Variants in CNTN1 observed in about 807,000 individuals in gnomAD.
The protein encoded by CNTN1 is contactin-1.
In CNTN1, 38 loss-of-function variants were observed where a neutral mutation model predicts 126.4. The ratio of observed to expected loss-of-function variants is 0.30; its 90% confidence interval spans 0.23 to 0.39. The LOEUF (loss-of-function observed/expected upper bound fraction) is 0.39. Ranked by LOEUF, CNTN1 falls within the 10% of genes least tolerant of loss-of-function variation. The pLI is 1.00. For missense variants in CNTN1, 1,009 were observed against 1,248.4 expected (o/e 0.81, Z 2.89); for synonymous variants, 413 against 422.6 (o/e 0.98, Z 0.28).
intron 16 of CNTN1, among the ~76,000 whole-genome samples, chr12:40,985,358 A>G (rs964702227): frequency 6.6e-6 from 1 of 152,030 alleles, no homozygotes; most frequent in Non-Finnish European, 1.5e-5. Context: ...TTTATCTGGT[A>G]TAATTTGCAT....
In CNTN1 at chr12:40,700,538, A is replaced by T. The variant is rs545777848; in HGVS notation, c.-77+7946A>T. Among the ~76,000 whole-genome samples the T allele has an allele frequency of 1.4e-3, 206 of 152,268 alleles. 4 individuals are homozygous for T. The highest frequency in any genetic ancestry group is 4.6e-3 in the African/African-American group (192 of 41,548). ...GAGACTCTGTCTCAAAATAAAAAAA[A>T]AAATAAAAAATAAACTGGATTTTCT... On this transcript the variant is annotated intron_variant, in intron 1 of 23. Coordinates refer to ENST00000551295, the MANE Select transcript of CNTN1 (RefSeq NM_001843.4).
At chr12:40,756,717 T>C (rs1938624501) in intron 1 of CNTN1, among the ~76,000 whole-genome samples, 1 of 152,154 alleles carries the variant, frequency 6.6e-6, no homozygotes, top group African/African-American at 2.4e-5. Context: ...TGTTCACATG[T>C]CACCTCCAAG....
chr12:41,021,432 G>T (rs1159419221), intron 20 of CNTN1, among the ~76,000 whole-genome samples: 2 of 152,202 alleles, frequency 1.3e-5, no homozygotes, highest in African/African-American at 4.8e-5. Flanking sequence ...TGAGGGCAGG[G>T]TATTGTTCTA....
rs972742579 is a variant in CNTN1, at chr12:40,929,993, A to G, written c.694A>G (p.Ile232Val). The change falls in exon 7 of 24, where the codon ATA (isoleucine) becomes GTA (valine). Residue 232 changes from isoleucine to valine, a missense_variant. Coordinates refer to ENST00000551295, the MANE Select transcript of CNTN1 (RefSeq NM_001843.4). ...CAGCAAATTCATCCCACTCATTCCA[A>G]TACCTGAACGTAAGTATTTTATTTG... is the stretch of plus-strand genomic sequence containing the variant. ...VFSKFIPLIPIPERTTKPYPA... is the reference protein window; with the variant it reads ...VFSKFIPLIPVPERTTKPYPA... The G allele has an allele frequency of 1.2e-5, 19 of 1,607,532 alleles. No individual in the cohort carries two copies. The African/African-American group carries it at 2.3e-4, about 19-fold the overall frequency.
chr12:41,056,247 TA>T (rs1308196451), intron 23 of CNTN1, among the ~76,000 whole-genome samples: 20 of 152,240 alleles, frequency 1.3e-4, no homozygotes, highest in Admixed American at 4.6e-4. Context: ...GTATCTTTGT[TA>T]AAATAACACA....
chr12:40,945,834 C>T (rs1398411194), intron 14 of CNTN1, among the ~76,000 whole-genome samples: 1 of 152,040 alleles, frequency 6.6e-6, no homozygotes, highest in Non-Finnish European at 1.5e-5. Context: ...GCACACTCTC[C>T]CTTTTCAGAT....
At chr12:40,707,133 A>C (rs1941777565) in intron 1 of CNTN1, among the ~76,000 whole-genome samples, 1 of 151,630 alleles carries the variant, frequency 6.6e-6, no homozygotes, top group Admixed American at 6.6e-5. Flanking sequence ...AAATACCTCA[A>C]GGATCACCAC....
intron 1 of CNTN1, among the ~76,000 whole-genome samples, chr12:40,868,453 A>C (rs1943374637): frequency 6.6e-6 from 1 of 152,184 alleles, no homozygotes; most frequent in Non-Finnish European, 1.5e-5. Context: ...ATCTGAACCC[A>C]GAATGCCAGA....
intron 1 of CNTN1, among the ~76,000 whole-genome samples, chr12:40,871,186 GAAAAAAAA>G (rs201485882): frequency 1.5e-4 from 17 of 113,554 alleles, no homozygotes; most frequent in Non-Finnish European, 3.1e-4. Context: ...CTGTTACAGA[GAAAAAAAA>G]AAAAAAAAAA....
chr12:40,695,828 C>CA (rs1941436541), intron 1 of CNTN1, among the ~76,000 whole-genome samples: 1 of 152,158 alleles, frequency 6.6e-6, no homozygotes, highest in African/African-American at 2.4e-5. Context: ...AGCTTTCAAG[C>CA]AAATCCCCCA....
intron 1 of CNTN1, among the ~76,000 whole-genome samples, chr12:40,812,403 A>C (rs960570927): frequency 1.7e-4 from 26 of 151,946 alleles, no homozygotes; most frequent in Admixed American, 1.6e-3. Context: ...CTTTGTCTAT[A>C]GGTTATTTAA....
intron 9 of CNTN1, among the ~76,000 whole-genome samples, chr12:40,934,709 G>T (rs1158947598): frequency 3.3e-5 from 5 of 151,798 alleles, no homozygotes; most frequent in African/African-American, 7.3e-5. Context: ...ACAGATTCAC[G>T]CATTCTCTCT....
At chr12:40,696,221 AG>A (rs1209261505) in intron 1 of CNTN1, among the ~76,000 whole-genome samples, 3 of 152,226 alleles carry the variant, frequency 2.0e-5, no homozygotes, top group Non-Finnish European at 4.4e-5. Flanking sequence ...CCCCATCAAT[AG>A]GCATCATTCC....
At chr12:40,810,857 TATAA>T (rs564548879) in intron 1 of CNTN1, among the ~76,000 whole-genome samples, 7 of 151,970 alleles carry the variant, frequency 4.6e-5, no homozygotes, top group Admixed American at 4.6e-4. Flanking sequence ...ATCTACCAAA[TATAA>T]ATAAATAAAT....
At chr12:40,969,695 G>A (rs1947433559) in intron 15 of CNTN1, among the ~76,000 whole-genome samples, 1 of 152,156 alleles carries the variant, frequency 6.6e-6, no homozygotes, top group Admixed American at 6.6e-5. Flanking sequence ...AAGACATAAG[G>A]GAGTGGCTGA....
At chr12:40,698,375 A>G (rs1039530190) in intron 1 of CNTN1, among the ~76,000 whole-genome samples, 31 of 151,444 alleles carry the variant, frequency 2.0e-4, no homozygotes, top group African/African-American at 7.3e-4. Flanking sequence ...AGCTGGGACT[A>G]CAGGTGCCCA....
intron 23 of CNTN1, among the ~76,000 whole-genome samples, chr12:41,067,175 G>C (rs893541498): frequency 6.6e-6 from 1 of 152,102 alleles, no homozygotes; most frequent in Admixed American, 6.5e-5. Flanking sequence ...TAAAGATGAA[G>C]ACCAAAATTA....
At chr12:40,950,855 C>T (rs144610047) in intron 14 of CNTN1, among the ~76,000 whole-genome samples, 7 of 152,050 alleles carry the variant, frequency 4.6e-5, no homozygotes, top group African/African-American at 1.7e-4. Context: ...CACTCTCTAG[C>T]CTAACTTCTC....
intron 1 of CNTN1, among the ~76,000 whole-genome samples, chr12:40,751,372 G>T (rs1392543785): frequency 6.6e-6 from 1 of 151,946 alleles, no homozygotes; most frequent in Non-Finnish European, 1.5e-5. Context: ...ATTCCCAGTA[G>T]CCTTGGACAA....
Sources: allele counts gnomAD v4.1 joint callset (sites outside exome capture counted in the v4.1 genomes callset), GRCh38; gene constraint gnomAD v4.1.1; transcripts MANE v1.5; gene names NCBI Gene and HGNC (gene_info 2026-07-23, HGNC 2026-07-21).